Variants in CHRNA2 observed in about 807,000 individuals in gnomAD.
CHRNA2 encodes the protein cholinergic receptor nicotinic alpha 2 subunit.
A neutral mutation model predicts 45.5 loss-of-function variants in CHRNA2; 40 were observed. That is an observed-to-expected ratio of 0.88 (90% CI 0.68 to 1.15). The LOEUF (loss-of-function observed/expected upper bound fraction) is 1.15. Ranked by LOEUF, CHRNA2 falls within the 50% of genes most tolerant of loss-of-function variation. The probability of loss-of-function intolerance (pLI) is 0.00; values close to 1 mark genes in which losing one functional copy is unlikely to be tolerated. For missense variants in CHRNA2, 655 were observed against 701.7 expected, an observed-to-expected ratio of 0.93 and a Z score of 0.75; for synonymous variants, 301 against 296.7, an observed-to-expected ratio of 1.01 and a Z score of -0.15.
chr8:27,474,288 T>C (rs1264555703), intron 1 of CHRNA2, among the ~76,000 whole-genome samples: 1 of 152,226 alleles, frequency 6.6e-6, no homozygotes, highest in Admixed American at 6.5e-5. Context: ...CAGAGTGTTT[T>C]AGGGGAAAAG....
At chr8:27,469,494 CG>C in intron 3 of CHRNA2, 115 bp from the exon 4 acceptor site, 1 of 1,135,962 alleles carries the variant, frequency 8.8e-7, no homozygotes, top group Non-Finnish European at 1.3e-6. Flanking sequence ...AAGCCCAGCC[CG>C]CCCGCCACCC....
rs143223159 is a variant in CHRNA2 at position 27,461,719 on chromosome 8, G to T, written c.1500C>A (p.Ile500=). The change falls in exon 7 of 7, where the codon ATC becomes ATA. Residue 500 remains isoleucine (I), a synonymous_variant. Transcript: ENST00000407991. ...TAAACAGCCAGAGGAAGATCCTGTCGATGACCATGGCAACATACTTCCAGT... is the reference window on the plus strand; with the variant it reads ...TAAACAGCCAGAGGAAGATCCTGTCTATGACCATGGCAACATACTTCCAGT... ...KEDWKYVAMV[I]DRIFLWLFII... is the part of the protein sequence containing the mutation. 1 of 1,614,156 alleles carries T rather than the reference G, an allele frequency of 6.2e-7. No individual in the cohort carries two copies. The highest frequency in any genetic ancestry group is 8.5e-7 in the Non-Finnish European group (1 of 1,179,982).
Position 27,461,243 on chromosome 8 carries a change from C to A in CHRNA2, c.*386G>T, listed in dbSNP as rs542172546. The A allele has an allele frequency of 2.5e-4, 62 of 250,812 alleles. No individual in the cohort carries two copies. The highest frequency in any genetic ancestry group is 4.4e-4 in the Non-Finnish European group (55 of 125,258). 15.5% of individuals were successfully genotyped at this position (250,812 alleles called of 1,614,324 possible). On this transcript the variant is annotated 3_prime_UTR_variant, in exon 7 of 7. Transcript: ENST00000407991. The stretch of plus-strand genomic sequence containing the variant: ...ACATCCAAGAACCCTCCCCTTTGCC[C>A]CCACGGCCCCTCCTTTGAGGTCTGC...
rs986562283 is a variant in CHRNA2, at chr8:27,470,104, A to G, written c.74-123T>C. 9 of 937,694 alleles carry G rather than the reference A, an allele frequency of 9.6e-6. No individual in the cohort carries two copies. In the African/African-American group the frequency reaches 1.5e-4, roughly 15 times the overall value. The allele number at this position is 937,694 out of a possible 1,614,324, so 58.1% of individuals were successfully genotyped here. A position where few individuals can be genotyped will look rare whatever the true frequency, so the allele number is the denominator to read the frequency against. ...AAGATGGCAGATGATAATGTCTATCAGAGCTGAGCACAGCATGAGCAGGCT... is the reference window on the plus strand; with the variant it reads ...AAGATGGCAGATGATAATGTCTATCGGAGCTGAGCACAGCATGAGCAGGCT... On this transcript the variant is annotated intron_variant, in intron 2 of 6. Transcript: ENST00000407991.
chr8:27,475,042 C>A (rs568893756), intron 1 of CHRNA2, among the ~76,000 whole-genome samples: 2 of 152,318 alleles, frequency 1.3e-5, no homozygotes, highest in African/African-American at 4.8e-5. Flanking sequence ...TATCTCTGGG[C>A]GCAGGAATTA....
intron 6 of CHRNA2, 25 bp from the exon 7 acceptor site, chr8:27,461,779 AC>A (rs1251887164): frequency 1.2e-6 from 2 of 1,613,788 alleles, no homozygotes; most frequent in African/African-American, 2.7e-5. Flanking sequence ...GCACACAGTG[AC>A]AGGGGCCAGG....
chr8:27,477,758 G>A (rs1813103346), intron 1 of CHRNA2, among the ~76,000 whole-genome samples: 1 of 152,182 alleles, frequency 6.6e-6, no homozygotes, highest in South Asian at 2.1e-4. Context: ...TTTGGGGAAG[G>A]GGAGAGAGTG....
At chr8:27,471,246 A>G in intron 1 of CHRNA2, 52 bp from the exon 2 acceptor site, 1 of 599,104 alleles carries the variant, frequency 1.7e-6, no homozygotes, top group Non-Finnish European at 3.0e-6. Context: ...TGACATAGGC[A>G]TATTTCTGTT....
intron 1 of CHRNA2, among the ~76,000 whole-genome samples, chr8:27,478,218 G>T (rs1813120739): frequency 6.6e-6 from 1 of 152,166 alleles, no homozygotes; most frequent in South Asian, 2.1e-4. Flanking sequence ...AAACCAGTAT[G>T]ATTTCTTCTT....
chr8:27,461,665 G>A lies in CHRNA2; in HGVS notation c.1554C>T (p.Gly518=). Reference sequence around the variant, plus strand: ...CAGCTAGGAACGGAGGCAGAAAGAGGCCGATGGTCCCCAGGAAGCAGACGA... The same window carrying A: ...CAGCTAGGAACGGAGGCAGAAAGAGACCGATGGTCCCCAGGAAGCAGACGA... ...FIIVCFLGTI[G]LFLPPFLAGM... Residue 518 remains glycine (G), a synonymous_variant, in exon 7 of 7, where the codon GGC becomes GGT. Transcript: ENST00000407991. 6.2e-7 allele frequency: 1 copy of A among 1,614,248 alleles called. No homozygotes were observed. Among genetic ancestry groups the A allele is most frequent in the Non-Finnish European group, 8.5e-7 (1 of 1,180,036 alleles).
At chr8:27,470,159 GT>G in intron 2 of CHRNA2, 178 bp from the exon 3 acceptor site, 1 of 676,208 alleles carries the variant, frequency 1.5e-6, no homozygotes, top group Non-Finnish European at 2.6e-6. Context: ...AAGGTCAGCT[GT>G]TTTGTGATGT....
intron 5 of CHRNA2, among the ~76,000 whole-genome samples, chr8:27,466,343 T>C (rs2163177): frequency 0.82 from 125,426 of 152,158 alleles, 52,040 homozygotes; most frequent in Middle Eastern, 0.93. Context: ...TCAAATGAAT[T>C]GGGAAATGCT....
chr8:27,474,192 A>G (rs1322904319), intron 1 of CHRNA2, among the ~76,000 whole-genome samples: 1 of 152,150 alleles, frequency 6.6e-6, no homozygotes, highest in African/African-American at 2.4e-5. Context: ...GTTTGGGTCA[A>G]GTAGGAGAAG....
chr8:27,470,176 A>T (rs1454011375), intron 2 of CHRNA2, 195 bp from the exon 3 acceptor site: 2 of 655,962 alleles, frequency 3.0e-6, no homozygotes, highest in Non-Finnish European at 5.4e-6. Flanking sequence ...GATGTTAGAG[A>T]AGAAAAGAGT....
intron 5 of CHRNA2, among the ~76,000 whole-genome samples, chr8:27,465,294 A>T (rs1322810061): frequency 6.6e-6 from 1 of 151,990 alleles, no homozygotes; most frequent in Non-Finnish European, 1.5e-5. Flanking sequence ...CCCACAGTCA[A>T]TCCTAAAATC....
intron 1 of CHRNA2, among the ~76,000 whole-genome samples, chr8:27,473,241 G>A (rs1477620355): frequency 1.3e-5 from 2 of 152,196 alleles, no homozygotes; most frequent in East Asian, 3.9e-4. Flanking sequence ...TACAGCTAGT[G>A]GGTGCAGGAT....
At position 27,462,992 on chromosome 8, in the gene CHRNA2, T is replaced by A. The variant is rs766078733; in HGVS notation, c.1451A>T (p.Asp484Val). ...HYIADHLRSE[D>V]ADSSVKEDWK... ...ACCCCAACGCACCGAAGAGTCAGCA[T>A]CCTCAGACCGCAGGTGGTCGGCAAT... The change falls in exon 6 of 7, where the codon GAT becomes GTT. Residue 484 changes from aspartate to valine, a missense_variant. Transcript: ENST00000407991. The A allele has an allele frequency of 1.9e-6, 3 of 1,613,898 alleles. No individual in the cohort carries two copies. Among genetic ancestry groups the A allele is most frequent in the Admixed American group, 1.7e-5 (1 of 60,010 alleles).
chr8:27,461,496 C>T lies in CHRNA2; in HGVS notation c.*133G>A. 1 of 1,262,962 alleles carries T rather than the reference C, an allele frequency of 7.9e-7. No homozygotes were observed. The highest frequency in any genetic ancestry group is 1.1e-6 in the Non-Finnish European group (1 of 894,068). 78.2% of individuals were successfully genotyped at this position (1,262,962 alleles called of 1,614,324 possible). ...GTTAAGCTGGATGGAAGCCTGCAAT[C>T]CCTGGGTCAGTGTCCAGACTCCGCG... On this transcript the variant is annotated 3_prime_UTR_variant, in exon 7 of 7. Transcript: ENST00000407991.
intron 6 of CHRNA2, 45 bp from the exon 7 acceptor site, chr8:27,461,799 A>G: frequency 6.2e-7 from 1 of 1,613,386 alleles, no homozygotes; most frequent in Non-Finnish European, 8.5e-7. Flanking sequence ...GGCCTGGGAA[A>G]GGGATGTGTT....
Sources: allele counts gnomAD v4.1 joint callset (sites outside exome capture counted in the v4.1 genomes callset), GRCh38; gene constraint gnomAD v4.1.1; transcripts MANE v1.5; gene names NCBI Gene and HGNC (gene_info 2026-07-23, HGNC 2026-07-21).